Variants in SYNJ2 observed in about 807,000 individuals in gnomAD.
SYNJ2 encodes the protein polyphosphatidylinositol phosphatase SYNJ2.
SYNJ2 carries 116 observed loss-of-function variants against 141.3 expected under a neutral mutation model. The observed-to-expected ratio is 0.82, with a 90% CI of 0.71 to 0.96. The LOEUF is 0.96. Ranked by LOEUF, SYNJ2 falls within the 40% of genes least tolerant of loss-of-function variation. The pLI, the probability that SYNJ2 is intolerant of heterozygous loss-of-function variation, is 0.00. For synonymous variants in SYNJ2, 745 were observed against 777.7 expected, an observed-to-expected ratio of 0.96 and a Z score of 0.70; for missense variants, 1,873 against 1,934.8, an observed-to-expected ratio of 0.97 and a Z score of 0.60.
chr6:158,048,983 C>T (rs1333770281), intron 5 of SYNJ2, among the ~76,000 whole-genome samples: 2 of 152,074 alleles, frequency 1.3e-5, no homozygotes, highest in East Asian at 3.9e-4. Flanking sequence ...GATGGGAGGC[C>T]GTTGAGCTGA....
At chr6:158,072,870 G>T (rs1782023051) in intron 15 of SYNJ2, among the ~76,000 whole-genome samples, 1 of 151,912 alleles carries the variant, frequency 6.6e-6, no homozygotes, top group African/African-American at 2.4e-5. Flanking sequence ...AGGAGTTCGA[G>T]ACCAGCCTGG....
chr6:158,057,661 G>T (rs1780950162), intron 6 of SYNJ2, among the ~76,000 whole-genome samples: 1 of 152,260 alleles, frequency 6.6e-6, no homozygotes, highest in African/African-American at 2.4e-5. Flanking sequence ...CCTGGGCTTT[G>T]GAACCAGTTG....
chr6:158,089,422 T>C (rs1783287379), intron 24 of SYNJ2, among the ~76,000 whole-genome samples: 1 of 152,126 alleles, frequency 6.6e-6, no homozygotes, highest in African/African-American at 2.4e-5. Context: ...GCCAGTGTTT[T>C]ACAGTAGTGA....
At chr6:158,082,010 T>C (rs1472422430) in intron 20 of SYNJ2, among the ~76,000 whole-genome samples, 1 of 152,112 alleles carries the variant, frequency 6.6e-6, no homozygotes, top group Non-Finnish European at 1.5e-5. Context: ...GATTCTTCAC[T>C]CTGGTTCTAA....
At position 158,066,541 on chromosome 6, in the gene SYNJ2, A is replaced by T; in HGVS notation, c.1623A>T (p.Gly541=). Residue 541 remains glycine, a synonymous_variant, in exon 12 of 27, where the codon GGA becomes GGT. Transcript: ENST00000355585. ...CTATGGGGACCTGGAACGTGAACGGAGGAAAGCAGTTCCGGAGCAACGTGC... is the reference window on the plus strand; with the variant it reads ...CTATGGGGACCTGGAACGTGAACGGTGGAAAGCAGTTCCGGAGCAACGTGC... The part of the protein sequence containing the change: ...RIAMGTWNVN[G]GKQFRSNVLR... The T allele has an allele frequency of 6.2e-7, 1 of 1,614,206 alleles. No homozygotes were observed. Among genetic ancestry groups the T allele is most frequent in the South Asian group, 1.1e-5 (1 of 91,090 alleles).
intron 13 of SYNJ2, among the ~76,000 whole-genome samples, chr6:158,069,058 G>C (rs1781746775): frequency 6.6e-6 from 1 of 152,186 alleles, no homozygotes; most frequent in Admixed American, 6.5e-5. Context: ...GAAGGGCGGG[G>C]CTGGGACTGG....
At position 158,084,209 on chromosome 6, in the gene SYNJ2, G is replaced by C. The variant is rs1750036; in HGVS notation, c.3208+35G>C. 173,398 of 1,601,610 alleles carry C rather than the reference G, an allele frequency of 0.11. 10,446 individuals carry two copies. The highest frequency in any genetic ancestry group is 0.22 in the African/African-American group (16,116 of 74,418). ...CCCTTCTTTTCTCAGGAGCCTCAGC[G>C]ATGGAGTCAGCTCAGGACAGACTTT... On this transcript the variant is annotated intron_variant, in intron 22 of 26. Coordinates refer to ENST00000355585, the MANE Select transcript of SYNJ2 (RefSeq NM_003898.4). The surrounding 1 kb of genome is among the most constrained non-coding windows in gnomAD (Gnocchi z 5.0).
intron 5 of SYNJ2, among the ~76,000 whole-genome samples, chr6:158,052,253 G>GA (rs1215223770): frequency 1.3e-5 from 2 of 152,154 alleles, no homozygotes; most frequent in Non-Finnish European, 2.9e-5. Flanking sequence ...CAGACCTACA[G>GA]AAAAAATTTA....
chr6:158,032,314 T>G (rs1779411209), intron 3 of SYNJ2, among the ~76,000 whole-genome samples: 1 of 152,256 alleles, frequency 6.6e-6, no homozygotes, highest in African/African-American at 2.4e-5. Context: ...GAGAAAATGC[T>G]GCTGCTGTCT....
intron 5 of SYNJ2, among the ~76,000 whole-genome samples, chr6:158,047,359 C>T (rs145578135): frequency 1.9e-3 from 285 of 152,276 alleles, no homozygotes; most frequent in African/African-American, 6.7e-3. Flanking sequence ...AACTCTGGCT[C>T]CCCTGCTTTG....
rs1198089799 is a variant in SYNJ2 at position 158,099,137 on chromosome 6, T to C, written c.*2773T>C. 1 of 152,240 alleles carries C rather than the reference T, an allele frequency of 6.6e-6. No homozygotes were observed. Among genetic ancestry groups the C allele is most frequent in the Non-Finnish European group, 1.5e-5 (1 of 68,042 alleles). The allele number at this position is 152,240 out of a possible 1,614,324, so 9.4% of individuals were successfully genotyped here. Reference sequence around the variant, plus strand: ...TTGAAGTGAAAATTTGTACTGAAATTGTACATGATACCTATTAAATGTTTT... The same window carrying C: ...TTGAAGTGAAAATTTGTACTGAAATCGTACATGATACCTATTAAATGTTTT... On this transcript the variant is annotated 3_prime_UTR_variant, in exon 27 of 27. Coordinates refer to ENST00000355585, the MANE Select transcript of SYNJ2 (RefSeq NM_003898.4).
Position 158,071,457 on chromosome 6 carries a change from C to A in SYNJ2, c.1941-145C>A. On this transcript the variant is annotated intron_variant, in intron 14 of 26. Coordinates refer to ENST00000355585, the MANE Select transcript of SYNJ2 (RefSeq NM_003898.4). This position sits in a 1 kb window ranked among gnomAD's most constrained non-coding sequence, Gnocchi z 4.3. ...CCTCCTGACCAGGAGTCGATGACGG[C>A]CACGGTGGCCACTGTGTTGAGCTGA... The A allele has an allele frequency of 1.1e-6, 1 of 908,602 alleles. No individual in the cohort carries two copies. Among genetic ancestry groups the A allele is most frequent in the Non-Finnish European group, 1.6e-6 (1 of 618,348 alleles). 56.3% of individuals were successfully genotyped at this position (908,602 alleles called of 1,614,324 possible).
At chr6:158,093,836 C>T (rs139558520) in intron 26 of SYNJ2, 93 of 752,964 alleles carry the variant, frequency 1.2e-4, no homozygotes, top group African/African-American at 1.1e-3. Context: ...TGCTCTCGTG[C>T]GGCCTCAGCC....
At chr6:158,091,751 T>TTAAA (rs1021845412) in intron 25 of SYNJ2, among the ~76,000 whole-genome samples, 1 of 101,036 alleles carries the variant, frequency 9.9e-6, no homozygotes, top group African/African-American at 3.8e-5. Flanking sequence ...CTCTGTCTCA[T>TTAAA]AAAAAAAAAA....
intron 22 of SYNJ2, among the ~76,000 whole-genome samples, chr6:158,085,209 C>T (rs1054672992): frequency 4.0e-5 from 6 of 151,866 alleles, no homozygotes; most frequent in African/African-American, 1.2e-4. Flanking sequence ...TTTGTAGAGA[C>T]GGGGTCTCAC....
At position 158,093,020 on chromosome 6, in the gene SYNJ2, C is replaced by T. The variant is rs1322003539; in HGVS notation, c.3660C>T (p.Thr1220=). The change falls in exon 26 of 27, where the codon ACC becomes ACT. Residue 1220 remains threonine, a synonymous_variant. Coordinates refer to ENST00000355585, the MANE Select transcript of SYNJ2 (RefSeq NM_003898.4). ...CACCGGGGGCAGCCAAACCAGAGAC[C>T]CCACAGGCGCCCCCACTCCTTCCCC... ...EPTPGAAKPE[T]PQAPPLLPRR... The T allele has an allele frequency of 6.2e-7, 1 of 1,612,962 alleles. No homozygotes were observed. The highest frequency in any genetic ancestry group is 8.5e-7 in the Non-Finnish European group (1 of 1,179,748).
chr6:158,078,180 T>G lies in SYNJ2; in HGVS notation c.2466T>G (p.Leu822=), dbSNP rs1487651631. 2 of 1,613,240 alleles carry G rather than the reference T, an allele frequency of 1.2e-6. No homozygotes were observed. The highest frequency in any genetic ancestry group is 1.7e-6 in the Non-Finnish European group (2 of 1,179,346). Residue 822 remains leucine (L), a synonymous_variant, in exon 18 of 27, where the codon CTT becomes CTG. Coordinates refer to ENST00000355585, the MANE Select transcript of SYNJ2 (RefSeq NM_003898.4). ...PFDKTAGELN[L]LDSDLDVDTK... ...TGCGAGTAGCTGGAGAACTCAACCT[T>G]CTAGACAGTGATCTAGATGTTGACA...
At chr6:158,000,879 C>T (rs932380760) in intron 1 of SYNJ2, among the ~76,000 whole-genome samples, 14 of 152,156 alleles carry the variant, frequency 9.2e-5, no homozygotes, top group African/African-American at 3.4e-4. Flanking sequence ...CTTTGGGCCA[C>T]AGCTCCTCTT....
At chr6:158,020,753 G>A (rs1005390163) in intron 2 of SYNJ2, among the ~76,000 whole-genome samples, 2 of 152,242 alleles carry the variant, frequency 1.3e-5, no homozygotes, top group African/African-American at 4.8e-5. Context: ...GCTGAGTCAG[G>A]AGTGGGCCTC....
Sources: allele counts gnomAD v4.1 joint callset (sites outside exome capture counted in the v4.1 genomes callset), GRCh38; gene constraint gnomAD v4.1.1; non-coding constraint Gnocchi (gnomAD v3.1); transcripts MANE v1.5; gene names NCBI Gene and HGNC (gene_info 2026-07-23, HGNC 2026-07-21).